PALD1: variants seen among roughly 807,000 people sequenced by gnomAD.
PALD1 encodes the protein phosphatase domain containing paladin 1.
A neutral mutation model predicts 96.0 loss-of-function variants in PALD1; 57 were observed. The observed-to-expected ratio is 0.59, with a 90% confidence interval of 0.48 to 0.74. The LOEUF (loss-of-function observed/expected upper bound fraction) is 0.74, where lower values mean the gene tolerates loss of function less well. Ranked by LOEUF, PALD1 falls within the 30% of genes least tolerant of loss-of-function variation. The probability of loss-of-function intolerance (pLI) is 0.00; values close to 1 mark genes in which losing one functional copy is unlikely to be tolerated. For synonymous variants in PALD1, 464 were observed against 473.6 expected (o/e 0.98, Z 0.26); for missense variants, 1,063 against 1,143.7 (o/e 0.93, Z 1.02).
At chr10:70,559,091 T>G (rs971756293) in intron 18 of PALD1, among the ~76,000 whole-genome samples, 4 of 152,190 alleles carry the variant, frequency 2.6e-5, no homozygotes, top group Non-Finnish European at 4.4e-5. Flanking sequence ...TGCTTTCTCC[T>G]GGTCCCGCCA....
At chr10:70,505,639 CAAAACAAAAA>C (rs1157933618) in intron 1 of PALD1, among the ~76,000 whole-genome samples, 4 of 96,338 alleles carry the variant, frequency 4.2e-5, no homozygotes, top group Non-Finnish European at 6.9e-5. Flanking sequence ...CAAAACAAAA[CAAAACAAAAA>C]AACAAATCAG....
At position 70,526,096 on chromosome 10, in the gene PALD1, A is replaced by C. The variant is rs1846860336; in HGVS notation, c.145A>C (p.Lys49Gln). ...QSTSLHNSKA[K>Q]SIIPNKVAPV... ...CACTAGCTTGCATAACAGCAAGGCC[A>C]AGTCCATCATCCCCAACAAGGTGGC... is the stretch of plus-strand genomic sequence containing the variant. The change falls in exon 2 of 20, where the codon AAG (lysine) becomes CAG (glutamine). Residue 49 changes from lysine (K) to glutamine (Q), a missense_variant. Transcript: ENST00000263563. The C allele has an allele frequency of 1.2e-6, 2 of 1,614,120 alleles. No homozygotes were observed. The highest frequency in any genetic ancestry group is 2.7e-5 in the African/African-American group (2 of 74,954).
At chr10:70,560,968 T>C (rs1847727275) in intron 18 of PALD1, among the ~76,000 whole-genome samples, 1 of 152,156 alleles carries the variant, frequency 6.6e-6, no homozygotes. Flanking sequence ...AACCAGGGCC[T>C]TGATAGGAAG....
At chr10:70,491,736 T>G (rs1846102177) in intron 1 of PALD1, among the ~76,000 whole-genome samples, 1 of 152,214 alleles carries the variant, frequency 6.6e-6, no homozygotes, top group Non-Finnish European at 1.5e-5. Context: ...ATCCATCCAT[T>G]AAGTAATCCC....
chr10:70,541,366 C>T, intron 16 of PALD1, 97 bp from the exon 17 acceptor site: 1 of 1,516,994 alleles, frequency 6.6e-7, no homozygotes, highest in Non-Finnish European at 9.1e-7. Context: ...GGTCCCAGAG[C>T]CCCTTCCATC....
At chr10:70,492,448 C>CTTTTTTTTTT (rs1157960799) in intron 1 of PALD1, among the ~76,000 whole-genome samples, 1 of 80,156 alleles carries the variant, frequency 1.2e-5, no homozygotes, top group African/African-American at 4.1e-5. Flanking sequence ...GCATTTTTGA[C>CTTTTTTTTTT]TTTTTTTTTT....
chr10:70,472,153 C>T, the PALD1 span, among the ~76,000 whole-genome samples: 3 of 152,326 alleles, frequency 2.0e-5, no homozygotes, highest in African/African-American at 7.2e-5. Context: ...CCCTTCCTCA[C>T]CCCCACCTCC....
At chr10:70,545,253 T>G (rs184056056) in intron 17 of PALD1, among the ~76,000 whole-genome samples, 5 of 152,270 alleles carry the variant, frequency 3.3e-5, no homozygotes, top group Admixed American at 6.5e-5. Context: ...GGGGAGCCTT[T>G]AGACCCCAGT....
chr10:70,462,005 C>G, the PALD1 span, among the ~76,000 whole-genome samples: 3 of 152,152 alleles, frequency 2.0e-5, no homozygotes, highest in Admixed American at 6.5e-5. Context: ...GTTGCCCAGG[C>G]TGGTCTCAAA....
Position 70,539,787 on chromosome 10 carries a change from C to A in PALD1, c.1908+25C>A. 6.3e-7 allele frequency: 1 copy of A among 1,590,066 alleles called. No homozygotes were observed. The highest frequency in any genetic ancestry group is 1.8e-5 in the Admixed American group (1 of 54,186). The stretch of plus-strand genomic sequence containing the variant: ...GGTGAGGGTGCTGCTCAGGCTGAGG[C>A]CTCTGGGGAGGGACAGGAGGCCTCC... On this transcript the variant is annotated intron_variant, in intron 15 of 19. Coordinates refer to ENST00000263563, the MANE Select transcript of PALD1 (RefSeq NM_014431.3). This position sits in a 1 kb window ranked among gnomAD's most constrained non-coding sequence, Gnocchi z 4.5.
Position 70,567,320 on chromosome 10 carries a change from T to C in PALD1, c.*587T>C. ...AGTTTTCTGGACTCTCATGCCCCCA[T>C]CTCCGACCTGGGAGACTTCAGGAAT... On this transcript the variant is annotated 3_prime_UTR_variant, in exon 20 of 20. Coordinates refer to ENST00000263563, the MANE Select transcript of PALD1 (RefSeq NM_014431.3). 6.5e-6 allele frequency: 1 copy of C among 152,914 alleles called. No homozygotes were observed. The highest frequency in any genetic ancestry group is 1.5e-5 in the Non-Finnish European group (1 of 68,188). The allele number at this position is 152,914 out of a possible 1,614,324, so 9.5% of individuals were successfully genotyped here. A position where few individuals can be genotyped will look rare whatever the true frequency, so the allele number is the denominator to read the frequency against.
In PALD1 at chr10:70,526,649, G is replaced by T. The variant is rs1846874786; in HGVS notation, c.185+513G>T. Among the ~76,000 whole-genome samples, 3 of 152,136 alleles carry T rather than the reference G, an allele frequency of 2.0e-5. No homozygotes were observed. In the South Asian group the frequency reaches 6.2e-4, roughly 32 times the overall value. On this transcript the variant is annotated intron_variant, in intron 2 of 19. Transcript: ENST00000263563. Reference sequence around the variant, plus strand: ...GTGTTCTGAGATCTGTACATACTGTGTGCATCCAGAGGAAGAGGGTTATGA... The same window carrying T: ...GTGTTCTGAGATCTGTACATACTGTTTGCATCCAGAGGAAGAGGGTTATGA...
upstream of PALD1, among the ~76,000 whole-genome samples, chr10:70,476,884 AGTGT>A (rs907763364): frequency 1.8e-5 from 1 of 54,074 alleles, no homozygotes; most frequent in Non-Finnish European, 3.5e-5. Flanking sequence ...GGGGAAGCAA[AGTGT>A]GTGTATTTGT....
intron 2 of PALD1, 65 bp from the exon 3 acceptor site, chr10:70,529,164 A>C: frequency 1.7e-6 from 1 of 602,762 alleles, no homozygotes; most frequent in Non-Finnish European, 2.9e-6. Flanking sequence ...GTGAGGGTGG[A>C]GCTGGCCTTG....
In PALD1 at chr10:70,496,516, C is replaced by G. The variant is rs142316418; in HGVS notation, c.-30+17457C>G. 1.4e-4 allele frequency among the ~76,000 whole-genome samples: 22 copies of G among 152,296 alleles called. 1 individual carries two copies. Among genetic ancestry groups the G allele is most frequent in the African/African-American group, 5.3e-4 (22 of 41,538 alleles). On this transcript the variant is annotated intron_variant, in intron 1 of 19. Transcript: ENST00000263563. ...TGAACTTTGTACAAGTGGACTAACA[C>G]AGTATGAGCTGTTTTTATCTGGTGT... is the stretch of plus-strand genomic sequence containing the variant.
chr10:70,557,111 G>A (rs10823571), intron 18 of PALD1, among the ~76,000 whole-genome samples: 13,051 of 152,314 alleles, frequency 0.086, 1,211 homozygotes, highest in East Asian at 0.53. Context: ...TGGGTCAGGG[G>A]TTGGAAGCCC....
At chr10:70,483,117 T>C (rs959164373) in intron 1 of PALD1, among the ~76,000 whole-genome samples, 41 of 152,106 alleles carry the variant, frequency 2.7e-4, no homozygotes, top group African/African-American at 9.9e-4. Context: ...GGGTCTGTGC[T>C]AGTTATGGTT....
intron 19 of PALD1, among the ~76,000 whole-genome samples, chr10:70,565,926 A>G (rs1455111519): frequency 6.6e-6 from 1 of 152,146 alleles, no homozygotes; most frequent in Non-Finnish European, 1.5e-5. Context: ...TCAAGAAAGG[A>G]GGGCTGCCGG....
intron 18 of PALD1, among the ~76,000 whole-genome samples, chr10:70,547,786 C>G (rs1298385866): frequency 6.6e-6 from 1 of 152,040 alleles, no homozygotes; most frequent in Non-Finnish European, 1.5e-5. Flanking sequence ...AGGCGTTAAC[C>G]CTCTTGTTTC....
Sources: allele counts gnomAD v4.1 joint callset (sites outside exome capture counted in the v4.1 genomes callset), GRCh38; gene constraint gnomAD v4.1.1; non-coding constraint Gnocchi (gnomAD v3.1); transcripts MANE v1.5; gene names NCBI Gene and HGNC (gene_info 2026-07-23, HGNC 2026-07-21).